Variants in GPATCH2 observed in about 807,000 individuals in gnomAD.
The protein encoded by GPATCH2 is G patch domain-containing protein 2.
Under a neutral mutation model 58.0 loss-of-function variants are expected in GPATCH2, and 51 were observed. The observed-to-expected ratio is 0.88, with a 90% CI of 0.70 to 1.11. GPATCH2 has a LOEUF of 1.11. GPATCH2 is among the 50% of genes most tolerant of loss of function. GPATCH2 has a pLI of 0.00. For synonymous variants in GPATCH2, 222 were observed against 218.5 expected (o/e 1.02, Z -0.14); for missense variants, 625 against 652.2 (o/e 0.96, Z 0.45).
At chr1:217,608,565 C>A in intron 5 of GPATCH2, 1 of 985,206 alleles carries the variant, frequency 1.0e-6, no homozygotes, top group Non-Finnish European at 1.2e-6. Context: ...CTACAAATCC[C>A]AGCTATGCTC....
At chr1:217,604,750 G>A (rs112323779) in intron 5 of GPATCH2, among the ~76,000 whole-genome samples, 7,890 of 152,038 alleles carry the variant, frequency 0.052, 661 homozygotes, top group African/African-American at 0.18. Flanking sequence ...TTCTGGCCTA[G>A]TGTGATGGAT....
intron 6 of GPATCH2, among the ~76,000 whole-genome samples, chr1:217,510,971 G>A (rs1331832255): frequency 1.3e-5 from 2 of 152,014 alleles, no homozygotes; most frequent in South Asian, 2.1e-4. Context: ...GGTGGCGCAC[G>A]CCTGTAGTCC....
intron 6 of GPATCH2, among the ~76,000 whole-genome samples, chr1:217,503,558 GT>G (rs1662406471): frequency 6.6e-6 from 1 of 152,136 alleles, no homozygotes; most frequent in African/African-American, 2.4e-5. Flanking sequence ...AAAAAGGGGA[GT>G]GAAAGTATAT....
intron 8 of GPATCH2, among the ~76,000 whole-genome samples, chr1:217,488,378 T>C (rs1661552266): frequency 6.6e-6 from 1 of 152,328 alleles, no homozygotes; most frequent in African/African-American, 2.4e-5. Context: ...CATGTTCTCC[T>C]ATTGCTCTTT....
At chr1:217,620,798 A>C (rs1170512100) in intron 1 of GPATCH2, among the ~76,000 whole-genome samples, 1 of 152,188 alleles carries the variant, frequency 6.6e-6, no homozygotes, top group Non-Finnish European at 1.5e-5. Flanking sequence ...TTCTGTTTAA[A>C]TCCCTATCCG....
chr1:217,470,335 G>T (rs1660665487), intron 8 of GPATCH2, among the ~76,000 whole-genome samples: 1 of 152,100 alleles, frequency 6.6e-6, no homozygotes, highest in South Asian at 2.1e-4. Context: ...ATACTTTCTG[G>T]CATTTGAAAA....
intron 5 of GPATCH2, among the ~76,000 whole-genome samples, chr1:217,515,595 C>T (rs1322265766): frequency 6.6e-6 from 1 of 151,944 alleles, no homozygotes; most frequent in Non-Finnish European, 1.5e-5. Context: ...GTAATCCCAG[C>T]TACTCGGGAG....
chr1:217,630,934 G>T lies in GPATCH2; in HGVS notation c.38C>A (p.Pro13Gln). 6.3e-7 allele frequency: 1 copy of T among 1,590,608 alleles called. No homozygotes were observed. ...GAAGRQPIGA[P>Q]AAGNSWHFSR... ...GCCTCACCAGCTGTTCCCGGCTGCT[G>T]GAGCTCCGATCGGTTGGCGCCCGGC... Residue 13 changes from proline (P) to glutamine (Q), a missense_variant, in exon 1 of 10, where the codon CCA becomes CAA. Coordinates refer to ENST00000366935, the MANE Select transcript of GPATCH2 (RefSeq NM_018040.5).
At chr1:217,439,057 A>G (rs1371673682) in intron 9 of GPATCH2, among the ~76,000 whole-genome samples, 1 of 152,220 alleles carries the variant, frequency 6.6e-6, no homozygotes, top group Non-Finnish European at 1.5e-5. Context: ...CTGCAAATCA[A>G]CAGAATGTAC....
chr1:217,619,773 T>C lies in GPATCH2; in HGVS notation c.773+10A>G. 7.2e-6 allele frequency: 9 copies of C among 1,243,964 alleles called. No individual in the cohort carries two copies. The highest frequency in any genetic ancestry group is 9.0e-6 in the Non-Finnish European group (8 of 893,328). 77.1% of individuals were successfully genotyped at this position (1,243,964 alleles called of 1,614,324 possible). ...TAAATATTTTTATATTTAGAGAATA[T>C]AAAAGTCACCTTTCACTCATGAGCT... On this transcript the variant is annotated intron_variant, in intron 2 of 9. Transcript: ENST00000366935.
chr1:217,522,119 A>G (rs12049206), intron 5 of GPATCH2, among the ~76,000 whole-genome samples: 25,790 of 152,172 alleles, frequency 0.17, 2,962 homozygotes, highest in East Asian at 0.48. Context: ...ACTAAACAAT[A>G]TAATTGTTTT....
chr1:217,515,318 G>A (rs570639714), intron 5 of GPATCH2, among the ~76,000 whole-genome samples: 12 of 152,000 alleles, frequency 7.9e-5, no homozygotes, highest in Admixed American at 3.3e-4. Context: ...GGATGGTCTC[G>A]ATCTCCTGCC....
At chr1:217,517,001 A>G (rs1256138269) in intron 5 of GPATCH2, among the ~76,000 whole-genome samples, 1 of 152,210 alleles carries the variant, frequency 6.6e-6, no homozygotes, top group African/African-American at 2.4e-5. Flanking sequence ...ACTGAATGCA[A>G]TAAAACAGAA....
intron 9 of GPATCH2, among the ~76,000 whole-genome samples, chr1:217,435,792 A>C (rs1420660968): frequency 6.6e-6 from 1 of 152,224 alleles, no homozygotes; most frequent in Non-Finnish European, 1.5e-5. Context: ...AACAGCATTA[A>C]GCACAGTTTA....
At chr1:217,574,462 CG>C (rs1317335368) in intron 5 of GPATCH2, among the ~76,000 whole-genome samples, 7 of 152,132 alleles carry the variant, frequency 4.6e-5, no homozygotes, top group Non-Finnish European at 4.4e-5. Context: ...GCTTGCAATG[CG>C]GAATGACATT....
At chr1:217,536,647 A>G (rs1165904936) in intron 5 of GPATCH2, among the ~76,000 whole-genome samples, 2 of 152,134 alleles carry the variant, frequency 1.3e-5, no homozygotes, top group African/African-American at 4.8e-5. Flanking sequence ...CTACAAGTAC[A>G]CTAAATCTGT....
chr1:217,524,471 G>A (rs1663707524), intron 5 of GPATCH2, among the ~76,000 whole-genome samples: 1 of 151,980 alleles, frequency 6.6e-6, no homozygotes. Context: ...CGGCCGGGCA[G>A]AGGCTGCAAT....
intron 5 of GPATCH2, among the ~76,000 whole-genome samples, chr1:217,576,513 C>T (rs74142479): frequency 0.034 from 5,177 of 152,270 alleles, 115 homozygotes; most frequent in Middle Eastern, 0.088. Context: ...ATTCTATTTA[C>T]TCCATTGTAG....
chr1:217,479,247 G>A (rs934264450), intron 8 of GPATCH2, among the ~76,000 whole-genome samples: 13 of 152,230 alleles, frequency 8.5e-5, no homozygotes, highest in African/African-American at 2.9e-4. Flanking sequence ...TTGTAACACT[G>A]TAATTATGAT....
Sources: gnomAD v4.1 joint callset for allele counts (sites outside exome capture counted in the v4.1 genomes callset) on GRCh38, gnomAD v4.1.1 for gene constraint, MANE v1.5 for transcripts, NCBI Gene and HGNC (gene_info 2026-07-23, HGNC 2026-07-21) for gene names.